INTS1: variants seen among roughly 807,000 people sequenced by gnomAD.
The protein encoded by INTS1 is integrator complex subunit 1.
INTS1 carries 137 observed loss-of-function variants against 241.6 expected under a neutral mutation model. The ratio of observed to expected loss-of-function variants is 0.57; its 90% confidence interval spans 0.49 to 0.65. The LOEUF is 0.65. INTS1 is among the 30% of genes least tolerant of loss of function. The pLI is 0.00. For synonymous variants in INTS1, 1,692 were observed against 1,337.8 expected, an observed-to-expected ratio of 1.26 and a Z score of -5.78; for missense variants, 3,073 against 3,032.2, an observed-to-expected ratio of 1.01 and a Z score of -0.32.
intron 22 of INTS1, among the ~76,000 whole-genome samples, chr7:1,486,269 A>G (rs996760019): frequency 7.5e-6 from 1 of 133,420 alleles, no homozygotes; most frequent in Non-Finnish European, 1.6e-5. Context: ...TCATTTATTT[A>G]TTTTTTTTTT....
intron 14 of INTS1, 128 bp downstream of exon 14, chr7:1,494,688 G>A (rs1782758444): frequency 1.2e-6 from 1 of 860,932 alleles, no homozygotes; most frequent in East Asian, 2.7e-5. Context: ...TGGAGGAGGA[G>A]CAGGATGGTG....
Position 1,476,037 on chromosome 7 carries a change from G to T in INTS1, c.5413C>A (p.Gln1805Lys), listed in dbSNP as rs1781698587. 1 of 1,545,534 alleles carries T rather than the reference G, an allele frequency of 6.5e-7. No homozygotes were observed. The highest frequency in any genetic ancestry group is 8.7e-7 in the Non-Finnish European group (1 of 1,146,560). The change falls in exon 39 of 48, where the codon CAG becomes AAG. Residue 1805 changes from glutamine to lysine, a missense_variant. Gln to Lys is a moderately conservative substitution (Grantham distance 53). Coordinates refer to ENST00000404767, the MANE Select transcript of INTS1 (RefSeq NM_001080453.3). ...AGCTCCGGCCGCTGTAGGTAGAGCT[G>T]CAGGAGAAGGTCTCGGCAGCGCCTG... Reference protein sequence around the residue: ...LGRRCRDLLLQLYLQRPELRV... With the variant: ...LGRRCRDLLLKLYLQRPELRV...
At chr7:1,474,659 CT>C (rs1781628655) in intron 40 of INTS1, 45 bp downstream of exon 40, 5 of 1,528,418 alleles carry the variant, frequency 3.3e-6, no homozygotes, top group Admixed American at 2.0e-5. Flanking sequence ...GCAGACCCCC[CT>C]GGTTAAACCA....
chr7:1,499,236 C>T lies in INTS1; in HGVS notation c.950+19G>A, dbSNP rs370351157. 12 of 1,607,932 alleles carry T rather than the reference C, an allele frequency of 7.5e-6. No individual in the cohort carries two copies. Among genetic ancestry groups the T allele is most frequent in the African/African-American group, 2.7e-5 (2 of 74,852 alleles). ...CGCCCCCGCCGCCCCCAACTGGGAC[C>T]GGGCAGGCACGCAGCTACCTGGGCA... On this transcript the variant is annotated intron_variant, in intron 7 of 47. Coordinates refer to ENST00000404767, the MANE Select transcript of INTS1 (RefSeq NM_001080453.3).
In INTS1 at chr7:1,499,510, C is replaced by A. The variant is rs1324809399; in HGVS notation, c.807G>T (p.Gln269His). ...TRMPPRSVLLQGEAGRVAGDL... is the reference protein window; with the variant it reads ...TRMPPRSVLLHGEAGRVAGDL... ...CGCCCGCAACGCGGCCCGCCTCCCC[C>A]TGCAGCAGCACGCTCCTGGGGGGCA... Residue 269 changes from glutamine (Q) to histidine (H), a missense_variant, in exon 6 of 48, where the codon CAG becomes CAT. Coordinates refer to ENST00000404767, the MANE Select transcript of INTS1 (RefSeq NM_001080453.3). The A allele has an allele frequency of 1.4e-5, 22 of 1,611,350 alleles. 1 individual carries two copies. Among genetic ancestry groups the A allele is most frequent in the Non-Finnish European group, 1.8e-5 (21 of 1,178,850 alleles).
At chr7:1,476,516 C>CTCTCCCGGATGGGCCACCCCT (rs1562488300) in intron 37 of INTS1, 54 bp downstream of exon 37, 2 of 1,609,392 alleles carry the variant, frequency 1.2e-6, no homozygotes, top group South Asian at 1.1e-5. Context: ...GGGCCACCCC[C>CTCTCCCGGATGGGCCACCCCT]TCTCCCGGAT....
At chr7:1,472,531 T>G (rs912673775) in intron 43 of INTS1, 145 bp from the exon 44 acceptor site, 5 of 598,480 alleles carry the variant, frequency 8.4e-6, no homozygotes, top group Non-Finnish European at 5.8e-6. Context: ...ACAAATGGGG[T>G]GGAGCCAGGA....
intron 10 of INTS1, among the ~76,000 whole-genome samples, chr7:1,498,169 G>C (rs187448599): frequency 6.6e-6 from 1 of 152,370 alleles, no homozygotes; most frequent in East Asian, 1.9e-4. Context: ...GACTCAATGT[G>C]GCTCCCTCCT....
In INTS1 at chr7:1,478,832, C is replaced by A; in HGVS notation, c.4383G>T (p.Leu1461=). ...GGCTGTCCAGCCACTGCAGCATCTG[C>A]AGGAGCACCTTCAGGAAGAGCGAGG... The part of the protein sequence containing the change: ...GFSSLFLKVL[L]QMLQWLDSPG... The change falls in exon 32 of 48, where the codon CTG becomes CTT. Residue 1461 remains leucine (L), a synonymous_variant. Transcript: ENST00000404767. 1 of 1,610,628 alleles carries A rather than the reference C, an allele frequency of 6.2e-7. No individual in the cohort carries two copies. The highest frequency in any genetic ancestry group is 8.5e-7 in the Non-Finnish European group (1 of 1,178,900).
intron 33 of INTS1, 122 bp downstream of exon 33, chr7:1,478,244 G>T: frequency 8.8e-7 from 1 of 1,135,798 alleles, no homozygotes. Flanking sequence ...ACCTCTGTGG[G>T]CACTTTCCGG....
At chr7:1,478,305 G>T (rs2128534644) in intron 33 of INTS1, 61 bp downstream of exon 33, 6 of 1,576,078 alleles carry the variant, frequency 3.8e-6, no homozygotes, top group Non-Finnish European at 5.2e-6. Flanking sequence ...GCTAGAAGGA[G>T]CCTCAGGTTT....
intron 14 of INTS1, among the ~76,000 whole-genome samples, chr7:1,494,247 G>A (rs1782736486): frequency 6.6e-6 from 1 of 152,204 alleles, no homozygotes; most frequent in African/African-American, 2.4e-5. Flanking sequence ...GGAGCTGGGG[G>A]CCAGGAGACA....
chr7:1,497,219 C>T lies in INTS1; in HGVS notation c.1521G>A (p.Lys507=). 1 of 1,613,196 alleles carries T rather than the reference C, an allele frequency of 6.2e-7. No individual in the cohort carries two copies. The change falls in exon 11 of 48, where the codon AAG becomes AAA. Residue 507 remains lysine (K), a synonymous_variant. Transcript: ENST00000404767. This position sits in a 1 kb window ranked among gnomAD's most constrained non-coding sequence, Gnocchi z 5.3. ...AGAAGGCCTGGAAGTTGATCTCGTG[C>T]TTGGTCTGCTTGATGATCTCCCGCA... ...ALLREIIKQT[K]HEINFQAFCL... is the part of the protein sequence containing the mutation.
At position 1,470,572 on chromosome 7, in the gene INTS1, C is replaced by T; in HGVS notation, c.*5G>A. ...GGGCTTGGAGGGGGGTCGGCTGCCA[C>T]AGGCTCACATCACGGCCTCCATATG... On this transcript the variant is annotated 3_prime_UTR_variant, in exon 48 of 48. Coordinates refer to ENST00000404767, the MANE Select transcript of INTS1 (RefSeq NM_001080453.3). 6.5e-7 allele frequency: 1 copy of T among 1,548,188 alleles called. No individual in the cohort carries two copies. Among genetic ancestry groups the T allele is most frequent in the South Asian group, 1.2e-5 (1 of 84,090 alleles).
In INTS1 at chr7:1,472,367, G is replaced by C. The variant is rs1156999069; in HGVS notation, c.6090C>G (p.Ser2030=). The part of the protein sequence containing the change: ...EEGEEESSAG[S]LPLVSVSLFT... ...ACAGGGAGACGCTGACCAGGGGCAA[G>C]GAGCCGGCTGAGCTCTCCTCTGGAA... The change falls in exon 44 of 48, where the codon TCC becomes TCG. Residue 2030 remains serine (S), a synonymous_variant. Coordinates refer to ENST00000404767, the MANE Select transcript of INTS1 (RefSeq NM_001080453.3). The C allele has an allele frequency of 7.0e-6, 11 of 1,561,780 alleles. No homozygotes were observed. The highest frequency in any genetic ancestry group is 9.5e-6 in the Non-Finnish European group (11 of 1,152,886).
In INTS1 at chr7:1,489,161, G is replaced by A. The variant is rs377078541; in HGVS notation, c.2318+183C>T. On this transcript the variant is annotated intron_variant, in intron 18 of 47. Transcript: ENST00000404767. ...CAATCCACACCCCCTCTCCCGGCAAGGGAAAGAGAAGAGAACAAAGTGCAG... is the reference window on the plus strand; with the variant it reads ...CAATCCACACCCCCTCTCCCGGCAAAGGAAAGAGAAGAGAACAAAGTGCAG... Among the ~76,000 whole-genome samples the A allele has an allele frequency of 1.3e-4, 20 of 152,328 alleles. No homozygotes were observed. In the South Asian group the frequency reaches 4.1e-3, roughly 32 times the overall value.
chr7:1,496,070 G>T (rs574720208), intron 12 of INTS1, 86 bp downstream of exon 12: 10 of 1,021,764 alleles, frequency 9.8e-6, no homozygotes, highest in Admixed American at 4.1e-5. Flanking sequence ...GCGCTCAGGG[G>T]ACAGTGCAGC....
At position 1,478,712 on chromosome 7, in the gene INTS1, G is replaced by T; in HGVS notation, c.4489+14C>A. On this transcript the variant is annotated intron_variant, in intron 32 of 47. Coordinates refer to ENST00000404767, the MANE Select transcript of INTS1 (RefSeq NM_001080453.3). ...GTGCCCCCCAGCCGTCTGCCAGCCCGGCGCGGTCCTCACCATCACTGAGCC... is the reference window on the plus strand; with the variant it reads ...GTGCCCCCCAGCCGTCTGCCAGCCCTGCGCGGTCCTCACCATCACTGAGCC... The T allele has an allele frequency of 6.5e-7, 1 of 1,545,728 alleles. No homozygotes were observed. Among genetic ancestry groups the T allele is most frequent in the South Asian group, 1.2e-5 (1 of 85,108 alleles).
In INTS1 at chr7:1,474,172, A is replaced by G. The variant is rs1220997493; in HGVS notation, c.5825T>C (p.Leu1942Pro). 2.6e-6 allele frequency: 4 copies of G among 1,567,154 alleles called. No homozygotes were observed. Among genetic ancestry groups the G allele is most frequent in the Non-Finnish European group, 3.5e-6 (4 of 1,158,722 alleles). Residue 1942 changes from leucine (L) to proline (P), a missense_variant, in exon 41 of 48, where the codon CTG (leucine) becomes CCG (proline). Physicochemically the swap from Leu to Pro is moderately conservative, Grantham distance 98 (BLOSUM62 -3). Transcript: ENST00000404767. ...WDCLLSFIRL[L>P]LNYRKSSRHL... ...GCGGGCGGCGGGAGCACACACCAGC[A>G]GCAGGCGGATGAAGGACAGAAGGCA...
Sources: allele counts gnomAD v4.1 joint callset (sites outside exome capture counted in the v4.1 genomes callset), GRCh38; gene constraint gnomAD v4.1.1; non-coding constraint Gnocchi (gnomAD v3.1); transcripts MANE v1.5; gene names NCBI Gene and HGNC (gene_info 2026-07-23, HGNC 2026-07-21).